The following RAB9B variants were observed in gnomAD, a reference collection of about 807,000 sequenced individuals.
The protein encoded by RAB9B is RAB9B, member RAS oncogene family.
In RAB9B, 1 loss-of-function variant was observed where a neutral mutation model predicts 8.9. The ratio of observed to expected loss-of-function variants is 0.11; its 90% CI spans 0.04 to 0.53. The LOEUF is 0.53. Ranked by LOEUF, RAB9B falls within the 20% of genes least tolerant of loss-of-function variation. The pLI is 0.93. For synonymous variants in RAB9B, 63 were observed against 57.0 expected, an observed-to-expected ratio of 1.10 and a Z score of -0.47; for missense variants, 82 against 152.9, an observed-to-expected ratio of 0.54 and a Z score of 2.45.
chrX:103,832,170 C>T lies in RAB9B; in HGVS notation c.-227G>A, dbSNP rs761536024. The stretch of plus-strand genomic sequence containing the variant: ...ACCGTCACTGCTCCTGCTGCCTCCT[C>T]GTCCTCAATGGGGCAGCAAGTGCGG... On this transcript the variant is annotated 5_prime_UTR_variant, in exon 1 of 3. Transcript: ENST00000243298. 1.8e-5 allele frequency: 2 copies of T among 111,843 alleles called. No individual in the cohort carries two copies. Among genetic ancestry groups the T allele is most frequent in the Admixed American group, 9.3e-5 (1 of 10,728 alleles). 9.2% of individuals were successfully genotyped at this position (111,843 alleles called of 1,213,427 possible).
the RAB9B span, among the ~76,000 whole-genome samples, chrX:103,813,433 G>T: frequency 4.9e-5 from 5 of 102,910 alleles, no homozygotes; most frequent in African/African-American, 1.7e-4. Context: ...TGTCGCCAAT[G>T]ATATCACAAG....
chrX:103,788,339 G>T, the RAB9B span: 5 of 651,059 alleles, frequency 7.7e-6, no homozygotes, highest in South Asian at 8.6e-5. Flanking sequence ...TTTACAGCCA[G>T]GATAATTAGA....
the RAB9B span, among the ~76,000 whole-genome samples, chrX:103,812,947 AT>A: frequency 3.0e-4 from 30 of 98,710 alleles, no homozygotes; most frequent in East Asian, 9.3e-4. Context: ...TAATTTTTAA[AT>A]TTTTTTTTTT....
intron 1 of RAB9B, among the ~76,000 whole-genome samples, chrX:103,830,110 C>T (rs908714815): frequency 9.0e-6 from 1 of 110,835 alleles, no homozygotes; most frequent in African/African-American, 3.3e-5. Context: ...TTTTCCTCCC[C>T]CTACTCTCAC....
Position 103,822,812 on chromosome X carries a change from G to C in RAB9B, c.*2367C>G, listed in dbSNP as rs888134492. 1 of 111,180 alleles carries C rather than the reference G, an allele frequency of 9.0e-6. No homozygotes were observed. Among genetic ancestry groups the C allele is most frequent in the Non-Finnish European group, 1.9e-5 (1 of 53,079 alleles). 9.2% of individuals were successfully genotyped at this position (111,180 alleles called of 1,213,427 possible). A position where few individuals can be genotyped will look rare whatever the true frequency, so the allele number is the denominator to read the frequency against. ...AAACTGTATGTCAGCACCCCACTGA[G>C]TGTTGCTTACCCAAATGCCACTGTT... is the stretch of plus-strand genomic sequence containing the variant. On this transcript the variant is annotated 3_prime_UTR_variant, in exon 3 of 3. Transcript: ENST00000243298.
the RAB9B span, among the ~76,000 whole-genome samples, chrX:103,794,798 G>A: frequency 8.9e-6 from 1 of 111,831 alleles, no homozygotes; most frequent in Non-Finnish European, 1.9e-5. Flanking sequence ...TTTATATATT[G>A]GGAAAGATTT....
the RAB9B span, among the ~76,000 whole-genome samples, chrX:103,796,281 G>A: frequency 0.017 from 1,946 of 111,526 alleles, 41 homozygotes; most frequent in African/African-American, 0.061. Flanking sequence ...AGGAGTTCAA[G>A]ACCAGTCTGG....
At chrX:103,789,545 G>A in the RAB9B span, 29 of 528,276 alleles carry the variant, frequency 5.5e-5, no homozygotes, top group African/African-American at 2.1e-4. Context: ...TGGAGGCTCC[G>A]TACTTCTACT....
the RAB9B span, among the ~76,000 whole-genome samples, chrX:103,803,195 A>C: frequency 8.9e-6 from 1 of 112,071 alleles, no homozygotes; most frequent in Non-Finnish European, 1.9e-5. Context: ...ATATGTTTTC[A>C]ATTCTAATGG....
At chrX:103,779,815 C>G in the RAB9B span, 1 of 112,471 alleles carries the variant, frequency 8.9e-6, no homozygotes, top group South Asian at 3.7e-4. Flanking sequence ...AGTAACATCA[C>G]TTTCCCCCAT....
At chrX:103,807,642 TG>T in the RAB9B span, among the ~76,000 whole-genome samples, 16 of 112,259 alleles carry the variant, frequency 1.4e-4, no homozygotes, top group Non-Finnish European at 2.6e-4. Context: ...AAGCCCTGGT[TG>T]GGAGTGACCT....
the RAB9B span, among the ~76,000 whole-genome samples, chrX:103,804,588 T>C: frequency 3.6e-5 from 4 of 111,816 alleles, no homozygotes; most frequent in African/African-American, 1.3e-4. Flanking sequence ...AGGGATTATA[T>C]TGATTCTATA....
At chrX:103,800,188 A>G in the RAB9B span, among the ~76,000 whole-genome samples, 1 of 111,275 alleles carries the variant, frequency 9.0e-6, no homozygotes, top group East Asian at 2.8e-4. Context: ...CATTCATTAT[A>G]CTATATTTAT....
the RAB9B span, chrX:103,790,649 C>G: frequency 1.1e-6 from 1 of 909,845 alleles, no homozygotes; most frequent in Non-Finnish European, 1.6e-6. Flanking sequence ...AACCACACAG[C>G]CTACAATGCT....
At chrX:103,797,786 C>G in the RAB9B span, among the ~76,000 whole-genome samples, 1 of 41,435 alleles carries the variant, frequency 2.4e-5, no homozygotes, top group African/African-American at 9.4e-5. Flanking sequence ...GGAGCACTGC[C>G]TATTTCAGGT....
the RAB9B span, chrX:103,777,033 A>G: frequency 3.5e-6 from 4 of 1,157,516 alleles, no homozygotes; most frequent in Non-Finnish European, 4.7e-6. Flanking sequence ...TGAAGATTCA[A>G]GAGGACACAG....
At chrX:103,801,539 A>T in the RAB9B span, among the ~76,000 whole-genome samples, 2 of 111,976 alleles carry the variant, frequency 1.8e-5, no homozygotes, top group Non-Finnish European at 3.8e-5. Flanking sequence ...ACAATGGCAA[A>T]CAATATGACT....
downstream of RAB9B, among the ~76,000 whole-genome samples, chrX:103,817,991 A>C (rs765490957): frequency 3.6e-5 from 4 of 111,555 alleles, no homozygotes; most frequent in Non-Finnish European, 5.7e-5. Context: ...CTTTTCTATA[A>C]TATGGCAGTA....
chrX:103,809,237 C>T, the RAB9B span, among the ~76,000 whole-genome samples: 1 of 112,260 alleles, frequency 8.9e-6, no homozygotes, highest in Non-Finnish European at 1.9e-5. Flanking sequence ...TAAAAGGGCC[C>T]TCTGGAGAGC....
Sources: gnomAD v4.1 joint callset for allele counts (sites outside exome capture counted in the v4.1 genomes callset) on GRCh38, gnomAD v4.1.1 for gene constraint, MANE v1.5 for transcripts, NCBI Gene and HGNC (gene_info 2026-07-23, HGNC 2026-07-21) for gene names.